LARP1: variants seen among roughly 807,000 people sequenced by gnomAD.
The protein encoded by LARP1 is la-related protein 1.
LARP1 carries 36 observed loss-of-function variants against 122.7 expected under a neutral mutation model. The ratio of observed to expected loss-of-function variants is 0.29; its 90% CI spans 0.22 to 0.39. The LOEUF (loss-of-function observed/expected upper bound fraction) is 0.39. Among genes scored for constraint, LARP1 ranks in the 10% least tolerant of loss-of-function variants. LARP1 has a pLI of 1.00. For missense variants in LARP1, 1,040 were observed against 1,403.6 expected (o/e 0.74, Z 4.14); for synonymous variants, 539 against 528.7 (o/e 1.02, Z -0.27).
chr5:154,738,924 A>C (rs1757065047), intron 1 of LARP1, among the ~76,000 whole-genome samples: 1 of 152,240 alleles, frequency 6.6e-6, no homozygotes, highest in South Asian at 2.1e-4. Flanking sequence ...TCTATCTTAG[A>C]AAACAGAAAC....
upstream of LARP1, chr5:154,712,762 G>A (rs28759298): frequency 0.013 from 8,016 of 627,164 alleles, 491 homozygotes; most frequent in African/African-American, 0.13. Flanking sequence ...AGCCTTGCTC[G>A]GCCAATGAGC....
At chr5:154,750,794 G>T (rs1753444213), upstream of LARP1, among the ~76,000 whole-genome samples, 1 of 151,920 alleles carries the variant, frequency 6.6e-6, no homozygotes, top group Non-Finnish European at 1.5e-5. Context: ...TTATTTATTT[G>T]TAGAGACAGG....
upstream of LARP1, among the ~76,000 whole-genome samples, chr5:154,755,372 C>G (rs1002787612): frequency 2.2e-3 from 330 of 151,200 alleles, 1 homozygote; most frequent in Non-Finnish European, 4.0e-3. Context: ...GCCTCTCCCC[C>G]GTCCGTCCAT....
chr5:154,740,090 A>AG (rs1757143231), intron 1 of LARP1, among the ~76,000 whole-genome samples: 1 of 39,552 alleles, frequency 2.5e-5, no homozygotes, highest in Non-Finnish European at 5.1e-5. Flanking sequence ...CACAAACATT[A>AG]AAAAAAAAAA....
chr5:154,782,113 G>C lies in LARP1; in HGVS notation c.437-8212G>C, dbSNP rs191780286. ...TCTTGCTCTTCAACATTGTGACCTT[G>C]GGCGAGTCCCTTCCTTCAGTTTCAT... is the stretch of plus-strand genomic sequence containing the variant. On this transcript the variant is annotated intron_variant, in intron 1 of 18. Coordinates refer to ENST00000518297, the MANE Select transcript of LARP1 (RefSeq NM_033551.3). Among the ~76,000 whole-genome samples the C allele has an allele frequency of 3.3e-5, 5 of 152,228 alleles. No individual in the cohort carries two copies. The East Asian group carries it at 9.7e-4, about 29-fold the overall frequency.
intron 1 of LARP1, among the ~76,000 whole-genome samples, chr5:154,773,515 A>T (rs1755612981): frequency 6.6e-6 from 1 of 152,158 alleles, no homozygotes; most frequent in Admixed American, 6.5e-5. Context: ...ACATGCACAC[A>T]TGTGTAAGTG....
chr5:154,759,355 TGTTATA>T (rs1354681375), intron 1 of LARP1, among the ~76,000 whole-genome samples: 1 of 152,154 alleles, frequency 6.6e-6, no homozygotes, highest in Non-Finnish European at 1.5e-5. Flanking sequence ...CCTTTTCTTG[TGTTATA>T]TAAGTACTCC....
chr5:154,697,920 G>T (rs1464737560), intron 1 of LARP1, among the ~76,000 whole-genome samples: 1 of 152,084 alleles, frequency 6.6e-6, no homozygotes, highest in East Asian at 1.9e-4. Context: ...CGGACTCCTG[G>T]GCTCAAGTGA....
At chr5:154,710,148 C>T (rs1468313105), upstream of LARP1, among the ~76,000 whole-genome samples, 1 of 152,146 alleles carries the variant, frequency 6.6e-6, no homozygotes, top group African/African-American at 2.4e-5. Context: ...CCGCTCACCT[C>T]CTGCTGTGGG....
rs70981938 is a variant in LARP1, at chr5:154,701,622, CTTTTTTT to C, written c.-180+18596_-180+18602del. Among the ~76,000 whole-genome samples, 5 of 135,442 alleles carry C rather than the reference CTTTTTTT, an allele frequency of 3.7e-5. No homozygotes were observed. In the East Asian group the frequency reaches 1.1e-3, roughly 29 times the overall value. The allele number at this position is 135,442 out of a possible 152,430, so 88.9% of individuals were successfully genotyped here. A position where few individuals can be genotyped will look rare whatever the true frequency, so the allele number is the denominator to read the frequency against. On this transcript the variant is annotated intron_variant, in intron 1 of 18. Transcript: ENST00000687700. The stretch of plus-strand genomic sequence containing the variant: ...TCCGAACTTTGGGGAGGGAAACTTT[CTTTTTTT>C]TTTTTTTTTTGAGACAGAGTCTCGC...
chr5:154,693,370 A>T (rs6580107), intron 1 of LARP1, among the ~76,000 whole-genome samples: 101,134 of 151,890 alleles, frequency 0.67, 33,925 homozygotes, highest in Non-Finnish European at 0.7. Context: ...GTTTCTAAAG[A>T]CAAAAAAAGA....
Position 154,795,347 on chromosome 5 carries a change from G to A in LARP1, c.1377+28G>A, listed in dbSNP as rs531161304. The A allele has an allele frequency of 7.1e-5, 115 of 1,608,938 alleles. No homozygotes were observed. The South Asian group carries it at 1.2e-3, about 17-fold the overall frequency. Reference sequence around the variant, plus strand: ...ATGTCTTCCTCCCTGGAGCTGGGATGCAGGGGAAAGAAAGGTCCTTAGGGA... The same window carrying A: ...ATGTCTTCCTCCCTGGAGCTGGGATACAGGGGAAAGAAAGGTCCTTAGGGA... On this transcript the variant is annotated intron_variant, in intron 8 of 18. Coordinates refer to ENST00000518297, the MANE Select transcript of LARP1 (RefSeq NM_033551.3).
chr5:154,805,653 G>A (rs1758714905), intron 14 of LARP1: 2 of 481,574 alleles, frequency 4.2e-6, no homozygotes, highest in South Asian at 7.2e-5. Flanking sequence ...CCCTGGATGA[G>A]TCTCCTAATC....
chr5:154,699,635 G>T (rs979131265), intron 1 of LARP1, among the ~76,000 whole-genome samples: 1 of 152,130 alleles, frequency 6.6e-6, no homozygotes, highest in Non-Finnish European at 1.5e-5. Flanking sequence ...ATTATCTCAG[G>T]CATAAAAATG....
chr5:154,736,285 G>A lies in LARP1; in HGVS notation c.205+23155G>A, dbSNP rs1423964309. 2.6e-5 allele frequency among the ~76,000 whole-genome samples: 4 copies of A among 151,262 alleles called. No homozygotes were observed. In the South Asian group the frequency reaches 6.3e-4, roughly 24 times the overall value. On this transcript the variant is annotated intron_variant, in intron 1 of 18. Transcript: ENST00000336314. ...TAATTTTTGTAGTTTTAGTGGACAC[G>A]GGGTTTCACTATGTTGGCCAGGCTG...
chr5:154,731,262 TA>T (rs1340855443), intron 1 of LARP1, among the ~76,000 whole-genome samples: 1 of 152,170 alleles, frequency 6.6e-6, no homozygotes, highest in Non-Finnish European at 1.5e-5. Context: ...GGTTGATGGG[TA>T]AAGGAAATAA....
upstream of LARP1, among the ~76,000 whole-genome samples, chr5:154,708,578 C>T (rs1755058335): frequency 6.6e-6 from 1 of 152,146 alleles, no homozygotes; most frequent in South Asian, 2.1e-4. Flanking sequence ...TATAATGTGG[C>T]TGATCATTTT....
At chr5:154,738,176 A>G (rs1757018767) in intron 1 of LARP1, among the ~76,000 whole-genome samples, 1 of 152,186 alleles carries the variant, frequency 6.6e-6, no homozygotes, top group African/African-American at 2.4e-5. Flanking sequence ...CCATTCCCTA[A>G]GCAGTCTTGG....
chr5:154,709,967 T>A (rs1755136145), upstream of LARP1, among the ~76,000 whole-genome samples: 2 of 152,082 alleles, frequency 1.3e-5, no homozygotes, highest in Non-Finnish European at 2.9e-5. Flanking sequence ...AGGCATTAGG[T>A]TCTCATAAGG....
Sources: gnomAD v4.1 joint callset for allele counts (sites outside exome capture counted in the v4.1 genomes callset) on GRCh38, gnomAD v4.1.1 for gene constraint, MANE v1.5 for transcripts, NCBI Gene and HGNC (gene_info 2026-07-23, HGNC 2026-07-21) for gene names.